ABCB9: variants seen among roughly 807,000 people sequenced by gnomAD.
ABCB9 encodes the protein ABC-type oligopeptide transporter ABCB9.
In ABCB9, 36 loss-of-function variants were observed where a neutral mutation model predicts 62.0. The observed-to-expected ratio is 0.58, with a 90% CI of 0.45 to 0.77. The LOEUF is 0.77. Ranked by LOEUF, ABCB9 falls within the 30% of genes least tolerant of loss-of-function variation. The probability of loss-of-function intolerance (pLI) is 0.00; values close to 1 mark genes in which losing one functional copy is unlikely to be tolerated. For synonymous variants in ABCB9, 435 were observed against 461.4 expected (o/e 0.94, Z 0.73); for missense variants, 943 against 1,054.7 (o/e 0.89, Z 1.47).
At chr12:122,972,037 C>CTTTTTTTTTTTTTTTTTTTTTTTTTTT (rs57112984) in intron 1 of ABCB9, among the ~76,000 whole-genome samples, 1 of 99,270 alleles carries the variant, frequency 1.0e-5, no homozygotes, top group Non-Finnish European at 1.9e-5. Flanking sequence ...TTCATAATGT[C>CTTTTTTTTTTTTTTTTTTTTTTTTTTT]TTTTTTTTTT....
At position 122,932,414 on chromosome 12, in the gene ABCB9, G is replaced by A. The variant is rs1344568142; in HGVS notation, c.1904-86C>T. 2.0e-6 allele frequency: 3 copies of A among 1,466,586 alleles called. No homozygotes were observed. The highest frequency in any genetic ancestry group is 2.7e-6 in the Non-Finnish European group (3 of 1,102,330). 90.8% of individuals were successfully genotyped at this position (1,466,586 alleles called of 1,614,324 possible). A position where few individuals can be genotyped will look rare whatever the true frequency, so the allele number is the denominator to read the frequency against. On this transcript the variant is annotated intron_variant, in intron 10 of 11. Coordinates refer to ENST00000280560, the MANE Select transcript of ABCB9 (RefSeq NM_019625.4). This position sits in a 1 kb window ranked among gnomAD's most constrained non-coding sequence, Gnocchi z 4.7. Reference sequence around the variant, plus strand: ...GAGTGAGAGGCCCTGCCCTGCAGCTGTGGAAAGGGCGGGCTGGAACCCACA... The same window carrying A: ...GAGTGAGAGGCCCTGCCCTGCAGCTATGGAAAGGGCGGGCTGGAACCCACA...
intron 7 of ABCB9, among the ~76,000 whole-genome samples, chr12:122,942,473 G>C (rs2035816102): frequency 6.6e-6 from 1 of 151,880 alleles, no homozygotes; most frequent in Admixed American, 6.6e-5. Flanking sequence ...ACAAAAATTA[G>C]CTGGGCATGG....
At chr12:122,961,250 C>T (rs992758150) in intron 1 of ABCB9, among the ~76,000 whole-genome samples, 2 of 151,900 alleles carry the variant, frequency 1.3e-5, no homozygotes, top group Non-Finnish European at 2.9e-5. Context: ...TACAGTGGTG[C>T]GATCCCGGCT....
chr12:122,926,598 T>C (rs1335094103), downstream of ABCB9, among the ~76,000 whole-genome samples: 1 of 149,782 alleles, frequency 6.7e-6, no homozygotes, highest in Non-Finnish European at 1.5e-5. Context: ...AAGAAAACAT[T>C]ATATCTCTAG....
chr12:122,968,636 CTTTT>C (rs541028634), upstream of ABCB9, among the ~76,000 whole-genome samples: 5 of 88,816 alleles, frequency 5.6e-5, no homozygotes, highest in African/African-American at 7.8e-5. Flanking sequence ...TCCTCTGTAC[CTTTT>C]TTTTTTTTTT....
rs115575449 is a variant in ABCB9 at position 122,948,804 on chromosome 12, C to T, written c.873G>A (p.Ser291=). The change falls in exon 5 of 12, where the codon TCG becomes TCA. Residue 291 remains serine, a synonymous_variant. Transcript: ENST00000280560. ...RTGDLISRLT[S]DTTMVSDLVS... ...CCAGGTCGCTGACCATGGTGGTGTCCGAGGTCAGGCGGGAGATGAGGTCCC... is the reference window on the plus strand; with the variant it reads ...CCAGGTCGCTGACCATGGTGGTGTCTGAGGTCAGGCGGGAGATGAGGTCCC... The T allele has an allele frequency of 2.7e-5, 43 of 1,583,878 alleles. No individual in the cohort carries two copies. The Admixed American group carries it at 4.5e-4, about 17-fold the overall frequency.
chr12:122,921,019 A>C, exon 12 of ABCB9: 1 of 1,535,270 alleles, frequency 6.5e-7, no homozygotes, highest in Non-Finnish European at 8.7e-7. Flanking sequence ...CTCGGTTCTG[A>C]TATCTGCAGG....
upstream of ABCB9, among the ~76,000 whole-genome samples, chr12:122,970,132 T>A (rs1339471525): frequency 6.6e-6 from 1 of 152,170 alleles, no homozygotes; most frequent in Non-Finnish European, 1.5e-5. Context: ...CAGGCTGGAG[T>A]GCAATGGCAT....
At chr12:122,973,587 AAAAAAAAAAAAAAAAAAAAAAAC>A (rs2037317440) in intron 1 of ABCB9, among the ~76,000 whole-genome samples, 1 of 139,976 alleles carries the variant, frequency 7.1e-6, no homozygotes, top group Non-Finnish European at 1.5e-5. Context: ...AGAAAAAAAA[AAAAAAAAAAAAAAAAAAAAAAAC>A]AAAAACTTTG....
intron 7 of ABCB9, 45 bp from the exon 8 acceptor site, chr12:122,941,040 C>T (rs1319432421): frequency 1.3e-6 from 2 of 1,520,172 alleles, no homozygotes; most frequent in Admixed American, 2.0e-5. Flanking sequence ...ATACCCGACT[C>T]CTGGGACCCA....
chr12:122,948,947 C>T (rs1230163645), intron 4 of ABCB9, 118 bp from the exon 5 acceptor site: 14 of 222,792 alleles, frequency 6.3e-5, no homozygotes, highest in South Asian at 3.0e-4. Context: ...TACCTGTGGG[C>T]GGGGTTGGGG....
At chr12:122,946,964 T>C (rs1174622133) in intron 5 of ABCB9, among the ~76,000 whole-genome samples, 1 of 152,268 alleles carries the variant, frequency 6.6e-6, no homozygotes, top group Non-Finnish European at 1.5e-5. Flanking sequence ...GCATGTCCCA[T>C]GACCATGTGT....
Position 122,949,808 on chromosome 12 carries a change from A to C in ABCB9, c.827T>G (p.Phe276Cys), listed in dbSNP as rs1214716673. The C allele has an allele frequency of 6.2e-7, 1 of 1,614,036 alleles. No homozygotes were observed. Among genetic ancestry groups the C allele is most frequent in the Non-Finnish European group, 8.5e-7 (1 of 1,179,994 alleles). The change falls in exon 4 of 12, where the codon TTC (phenylalanine) becomes TGC (cysteine). Residue 276 changes from phenylalanine (F) to cysteine (C), a missense_variant. By Grantham distance (205) the Phe-to-Cys change is radical. Transcript: ENST00000280560. ...FRSLVSQETS[F>C]FDENRTGDLI... ...CCAACCTGTGCGGTTCTCATCAAAG[A>C]AGCTTGTCTCCTGGGACACCAGTGA... is the stretch of plus-strand genomic sequence containing the variant.
At chr12:122,937,933 A>T (rs190006270) in intron 9 of ABCB9, among the ~76,000 whole-genome samples, 51 of 152,346 alleles carry the variant, frequency 3.3e-4, no homozygotes, top group African/African-American at 1.2e-3. Context: ...AGGATTACTA[A>T]AAACTGTCCA....
In ABCB9 at chr12:122,944,696, C is replaced by G; in HGVS notation, c.1252-177G>C. The G allele has an allele frequency of 1.2e-6, 1 of 834,162 alleles. No homozygotes were observed. Among genetic ancestry groups the G allele is most frequent in the Non-Finnish European group, 1.8e-6 (1 of 560,952 alleles). The allele number at this position is 834,162 out of a possible 1,614,324, so 51.7% of individuals were successfully genotyped here. A position where few individuals can be genotyped will look rare whatever the true frequency, so the allele number is the denominator to read the frequency against. On this transcript the variant is annotated intron_variant, in intron 6 of 11. Coordinates refer to ENST00000280560, the MANE Select transcript of ABCB9 (RefSeq NM_019625.4). This position sits in a 1 kb window ranked among gnomAD's most constrained non-coding sequence, Gnocchi z 4.9. Reference sequence around the variant, plus strand: ...TTGTCACTCATGCCTTCCCCTGCCCCGAGCATTTCCCTACAGAGGCCTCCA... The same window carrying G: ...TTGTCACTCATGCCTTCCCCTGCCCGGAGCATTTCCCTACAGAGGCCTCCA...
chr12:122,959,869 T>G lies in ABCB9; in HGVS notation c.367A>C (p.Thr123Pro). The stretch of plus-strand genomic sequence containing the variant: ...AAGGATGCGCCGAGTGAAATGTACG[T>G]CCACACGAACAGGGCCCAAAACCAG... ...DPWFWALFVW[T>P]YISLGASFLL... Residue 123 changes from threonine to proline, a missense_variant, in exon 2 of 12, where the codon ACG (threonine) becomes CCG (proline). Physicochemically the swap from Thr to Pro is conservative, Grantham distance 38. Transcript: ENST00000280560. This position sits in a 1 kb window ranked among gnomAD's most constrained non-coding sequence, Gnocchi z 5.4. 1 of 1,613,402 alleles carries G rather than the reference T, an allele frequency of 6.2e-7. No individual in the cohort carries two copies. The highest frequency in any genetic ancestry group is 1.1e-5 in the South Asian group (1 of 91,076).
chr12:122,939,464 A>G (rs2035626994), intron 9 of ABCB9: 1 of 152,534 alleles, frequency 6.6e-6, no homozygotes. Flanking sequence ...AAGTCAACAC[A>G]TTACTTCTTG....
At chr12:122,931,272 G>A (rs2035143172) in intron 11 of ABCB9, 1 of 151,122 alleles carries the variant, frequency 6.6e-6, no homozygotes, top group Non-Finnish European at 1.5e-5. Context: ...TGATCCACCC[G>A]CCTCGGCCTC....
intron 9 of ABCB9, among the ~76,000 whole-genome samples, chr12:122,938,053 A>T (rs865964295): frequency 6.6e-6 from 1 of 152,234 alleles, no homozygotes; most frequent in Non-Finnish European, 1.5e-5. Flanking sequence ...TGGTATAACC[A>T]CCTGGGGATA....
Sources: gnomAD v4.1 joint callset for allele counts (sites outside exome capture counted in the v4.1 genomes callset) on GRCh38, gnomAD v4.1.1 for gene constraint, Gnocchi (gnomAD v3.1) non-coding constraint, MANE v1.5 for transcripts, NCBI Gene and HGNC (gene_info 2026-07-23, HGNC 2026-07-21) for gene names.